The following ROCK1 variants were observed in gnomAD, a reference collection of about 807,000 sequenced individuals.
ROCK1 encodes the protein Rho associated coiled-coil containing protein kinase 1.
Under a neutral mutation model 196.8 loss-of-function variants are expected in ROCK1, and 36 were observed. The ratio of observed to expected loss-of-function variants is 0.18; its 90% CI spans 0.14 to 0.24. ROCK1 has a LOEUF of 0.24. Among genes scored for constraint, ROCK1 ranks in the 10% least tolerant of loss-of-function variants. The probability of loss-of-function intolerance (pLI) is 1.00; values close to 1 mark genes in which losing one functional copy is unlikely to be tolerated. For synonymous variants in ROCK1, 443 were observed against 515.9 expected (o/e 0.86, Z 1.91); for missense variants, 920 against 1,562.0 (o/e 0.59, Z 6.93).
intron 1 of ROCK1, among the ~76,000 whole-genome samples, chr18:21,086,641 A>G (rs1260759814): frequency 6.6e-6 from 1 of 152,146 alleles, no homozygotes; most frequent in Non-Finnish European, 1.5e-5. Flanking sequence ...AAAATTCCCC[A>G]AATTTGGCAA....
chr18:20,954,639 G>A, intron 31 of ROCK1, 144 bp downstream of exon 31: 1 of 747,858 alleles, frequency 1.3e-6, no homozygotes, highest in Non-Finnish European at 2.2e-6. Context: ...TCTGTAAATA[G>A]CTGCATATTG....
chr18:21,052,810 C>T (rs564352989), intron 2 of ROCK1, among the ~76,000 whole-genome samples: 77 of 152,202 alleles, frequency 5.1e-4, no homozygotes, highest in African/African-American at 1.5e-3. Flanking sequence ...CAACCCCCAT[C>T]CTGTCCATAG....
chr18:20,947,305 TGGTGG>T lies in ROCK1; in HGVS notation c.*4074_*4078del, dbSNP rs1008314542. The T allele has an allele frequency of 1.3e-5, 2 of 151,884 alleles. No individual in the cohort carries two copies. Among genetic ancestry groups the T allele is most frequent in the Admixed American group, 1.3e-4 (2 of 15,222 alleles). 9.4% of individuals were successfully genotyped at this position (151,884 alleles called of 1,614,324 possible). ...CTGTTAATAACAGTTATGAAGGAAT[TGGTGG>T]GGTGGGGTGGGGTTTAGGAAGTGCA... is the stretch of plus-strand genomic sequence containing the variant. On this transcript the variant is annotated 3_prime_UTR_variant, in exon 33 of 33. Transcript: ENST00000399799.
At chr18:21,023,566 T>TA in intron 11 of ROCK1, 54 bp downstream of exon 11, 1 of 973,040 alleles carries the variant, frequency 1.0e-6, no homozygotes, top group Non-Finnish European at 1.5e-6. Context: ...CACAAATATA[T>TA]TATCCACAAA....
rs79047825 is a variant in ROCK1, at chr18:21,083,608, A to G, written c.94-12995T>C. 1.1e-4 allele frequency among the ~76,000 whole-genome samples: 17 copies of G among 152,336 alleles called. No individual in the cohort carries two copies. In the East Asian group the frequency reaches 3.3e-3, roughly 29 times the overall value. On this transcript the variant is annotated intron_variant, in intron 1 of 32. Coordinates refer to ENST00000399799, the MANE Select transcript of ROCK1 (RefSeq NM_005406.3). ...TCTACTCAGCCTACTCAATGTGAAG[A>G]TGGTGAATATGAAGACCTTTATGAT...
At chr18:21,084,044 A>T (rs541526924) in intron 1 of ROCK1, among the ~76,000 whole-genome samples, 1 of 152,306 alleles carries the variant, frequency 6.6e-6, no homozygotes, top group East Asian at 1.9e-4. Flanking sequence ...TCTTTTTAGC[A>T]AATGGTGCTG....
intron 2 of ROCK1, among the ~76,000 whole-genome samples, chr18:21,051,230 A>T (rs992122193): frequency 2.6e-5 from 4 of 152,152 alleles, no homozygotes; most frequent in Non-Finnish European, 4.4e-5. Context: ...AGCGGAATGT[A>T]TGAGTCCAGG....
chr18:21,054,831 A>G (rs1255616154), intron 2 of ROCK1, among the ~76,000 whole-genome samples: 2 of 152,102 alleles, frequency 1.3e-5, no homozygotes, highest in Non-Finnish European at 1.5e-5. Context: ...ATGGTCATAT[A>G]CTAGACCTTG....
intron 16 of ROCK1, among the ~76,000 whole-genome samples, chr18:20,993,253 G>A (rs1352358876): frequency 6.6e-6 from 1 of 152,182 alleles, no homozygotes; most frequent in Non-Finnish European, 1.5e-5. Context: ...GCCCAGGCTG[G>A]AGTGCAGTGG....
intron 19 of ROCK1, among the ~76,000 whole-genome samples, chr18:20,985,762 T>C (rs540432804): frequency 2.6e-5 from 4 of 152,348 alleles, no homozygotes; most frequent in South Asian, 2.1e-4. Context: ...CTAGCTTTAA[T>C]AGGTATCTCT....
chr18:21,070,633 AT>A lies in ROCK1; in HGVS notation c.94-21del. The stretch of plus-strand genomic sequence containing the variant: ...TCCATCCTAAAGAAACAAACAAACA[AT>A]GGTTAGTTTTTTGGATCACATTATA... On this transcript the variant is annotated intron_variant, in intron 1 of 32. Transcript: ENST00000399799. 3 of 1,554,852 alleles carry A rather than the reference AT, an allele frequency of 1.9e-6. No individual in the cohort carries two copies. Among genetic ancestry groups the A allele is most frequent in the Non-Finnish European group, 2.6e-6 (3 of 1,136,686 alleles).
chr18:21,028,972 TTAAAA>T, intron 9 of ROCK1, 37 bp from the exon 10 acceptor site: 1 of 1,589,318 alleles, frequency 6.3e-7, no homozygotes, highest in Non-Finnish European at 8.5e-7. Flanking sequence ...CACTTCAAAC[TTAAAA>T]TACAAGTAAA....
At chr18:21,094,684 T>G (rs1186520646) in intron 1 of ROCK1, among the ~76,000 whole-genome samples, 10 of 150,656 alleles carry the variant, frequency 6.6e-5, no homozygotes, top group Non-Finnish European at 1.5e-4. Context: ...GAGAGGTCAA[T>G]GCTGCAGTAA....
At chr18:20,999,022 C>A (rs1310625303) in intron 16 of ROCK1, among the ~76,000 whole-genome samples, 4 of 151,930 alleles carry the variant, frequency 2.6e-5, no homozygotes, top group Non-Finnish European at 5.9e-5. Context: ...TACCTTGATA[C>A]CAAAACCAGA....
rs1178501718 is a variant in ROCK1 at position 20,955,229 on chromosome 18, T to G, written c.3529A>C (p.Arg1177=). The part of the protein sequence containing the change: ...VLDIDKLFHV[R]PVTQGDVYRA... ...TACACATCTCCTTGGGTTACAGGTCTAACGTGAAACAGTTTACTAAAATGA... is the reference window on the plus strand; with the variant it reads ...TACACATCTCCTTGGGTTACAGGTCGAACGTGAAACAGTTTACTAAAATGA... The change falls in exon 30 of 33, where the codon AGA becomes CGA. Residue 1177 remains arginine, a synonymous_variant. Coordinates refer to ENST00000399799, the MANE Select transcript of ROCK1 (RefSeq NM_005406.3). 1 of 1,583,278 alleles carries G rather than the reference T, an allele frequency of 6.3e-7. No homozygotes were observed. Among genetic ancestry groups the G allele is most frequent in the East Asian group, 2.2e-5 (1 of 44,548 alleles).
chr18:20,946,985 T>TCA lies in ROCK1; in HGVS notation c.*4397_*4398dup, dbSNP rs2143301211. 6.6e-6 allele frequency: 1 copy of TCA among 152,350 alleles called. No individual in the cohort carries two copies. Among genetic ancestry groups the TCA allele is most frequent in the Non-Finnish European group, 1.5e-5 (1 of 68,036 alleles). 9.4% of individuals were successfully genotyped at this position (152,350 alleles called of 1,614,324 possible). ...AATTTATAGGATTAACATACAAGTG[T>TCA]CACTTTATTCACAATCTTTGCATTA... On this transcript the variant is annotated 3_prime_UTR_variant, in exon 33 of 33. Coordinates refer to ENST00000399799, the MANE Select transcript of ROCK1 (RefSeq NM_005406.3).
At position 20,967,054 on chromosome 18, in the gene ROCK1, T is replaced by G; in HGVS notation, c.3215A>C (p.His1072Pro). The G allele has an allele frequency of 6.2e-7, 1 of 1,611,872 alleles. No homozygotes were observed. ...MQAQLVEECA[H>P]RNELQMQLAS... ...CAACTGCATCTGAAGCTCATTCCTA[T>G]GTGCACATTCTTCTACCAATTGCTA... Residue 1072 changes from histidine (H) to proline (P), a missense_variant, in exon 27 of 33, where the codon CAT becomes CCT. This residue lies in a region of ROCK1 where 116 missense variants were observed against 204.2 expected (regional missense o/e 0.57). Coordinates refer to ENST00000399799, the MANE Select transcript of ROCK1 (RefSeq NM_005406.3).
At position 21,023,698 on chromosome 18, in the gene ROCK1, T is replaced by C; in HGVS notation, c.1212-18A>G. On this transcript the variant is annotated intron_variant, in intron 10 of 32. Transcript: ENST00000399799. ...ATAAGTATCTGAGGGAAAGAAAAGT[T>C]TAAAAAGAAAAGAAAACAAAAAACT... 6.7e-7 allele frequency: 1 copy of C among 1,497,094 alleles called. No homozygotes were observed. Among genetic ancestry groups the C allele is most frequent in the Non-Finnish European group, 9.1e-7 (1 of 1,099,806 alleles). The allele number at this position is 1,497,094 out of a possible 1,614,324, so 92.7% of individuals were successfully genotyped here.
intron 10 of ROCK1, among the ~76,000 whole-genome samples, chr18:21,024,920 T>C (rs1227702274): frequency 1.3e-5 from 2 of 152,176 alleles, no homozygotes; most frequent in Non-Finnish European, 2.9e-5. Context: ...ATCTCAGAAA[T>C]TCAATGTGAG....
Sources: gnomAD v4.1 joint callset for allele counts (sites outside exome capture counted in the v4.1 genomes callset) on GRCh38, gnomAD v4.1.1 for gene constraint, gnomAD v4.1.1 regional missense constraint, MANE v1.5 for transcripts, NCBI Gene and HGNC (gene_info 2026-07-23, HGNC 2026-07-21) for gene names.